ST3GAL1: variants seen among roughly 807,000 people sequenced by gnomAD.
ST3GAL1 encodes ST3 beta-galactoside alpha-2,3-sialyltransferase 1.
Under a neutral mutation model 34.1 loss-of-function variants are expected in ST3GAL1, and 16 were observed. The ratio of observed to expected loss-of-function variants is 0.47; its 90% CI spans 0.32 to 0.71. The LOEUF is 0.71. ST3GAL1 is among the 30% of genes least tolerant of loss of function. ST3GAL1 has a pLI of 0.04. For missense variants in ST3GAL1, 353 were observed against 447.4 expected (o/e 0.79, Z 1.90); for synonymous variants, 191 against 184.7 (o/e 1.03, Z -0.28).
chr8:133,496,070 G>A (rs1816936665), intron 3 of ST3GAL1, among the ~76,000 whole-genome samples: 1 of 152,188 alleles, frequency 6.6e-6, no homozygotes, highest in Admixed American at 6.5e-5. Context: ...GTCAACCACT[G>A]AGCTGCCTGC....
At position 133,533,176 on chromosome 8, in the gene ST3GAL1, C is replaced by A. The variant is rs578109358; in HGVS notation, c.-429+12598G>T. 2.6e-5 allele frequency among the ~76,000 whole-genome samples: 4 copies of A among 152,278 alleles called. No individual in the cohort carries two copies. In the East Asian group the frequency reaches 7.7e-4, roughly 29 times the overall value. ...CCGCAGTCCAATGGCACTCTGAATT[C>A]CGTGGAGACCCATAGAATTCCAAAC... On this transcript the variant is annotated intron_variant, in intron 2 of 9. Coordinates refer to ENST00000522652, the MANE Select transcript of ST3GAL1 (RefSeq NM_173344.3).
intron 1 of ST3GAL1, among the ~76,000 whole-genome samples, chr8:133,546,536 CAGG>C (rs1389152659): frequency 1.4e-5 from 2 of 147,644 alleles, no homozygotes; most frequent in African/African-American, 5.0e-5. Flanking sequence ...AGAATTTGAA[CAGG>C]AGATGATATT....
chr8:133,551,512 C>CAGAAAGAAAGAAAGAGAAAGAAAG (rs1818838686), intron 1 of ST3GAL1, among the ~76,000 whole-genome samples: 6 of 113,666 alleles, frequency 5.3e-5, no homozygotes, highest in African/African-American at 2.0e-4. Flanking sequence ...GACAGAAAGA[C>CAGAAAGAAAGAAAGAGAAAGAAAG]AGAAAGAAAG....
intron 2 of ST3GAL1, among the ~76,000 whole-genome samples, chr8:133,541,335 A>C (rs1225778025): frequency 6.6e-6 from 1 of 151,918 alleles, no homozygotes; most frequent in Non-Finnish European, 1.5e-5. Flanking sequence ...TAAGGCCTCC[A>C]CACTGAAGCA....
At chr8:133,540,934 C>CATACATAGACATATATATAGACAT (rs1818479653) in intron 2 of ST3GAL1, among the ~76,000 whole-genome samples, 1 of 51,384 alleles carries the variant, frequency 1.9e-5, no homozygotes, top group Non-Finnish European at 3.2e-5. Context: ...TATATATAGA[C>CATACATAGACATATATATAGACAT]ATATATAGAC....
intron 1 of ST3GAL1, among the ~76,000 whole-genome samples, chr8:133,557,315 G>A (rs140386807): frequency 1.6e-4 from 24 of 152,292 alleles, no homozygotes; most frequent in African/African-American, 5.8e-4. Flanking sequence ...GTGGCACAAT[G>A]GGGTCCTCAT....
At chr8:133,502,916 C>T (rs1036696603) in intron 2 of ST3GAL1, among the ~76,000 whole-genome samples, 8 of 152,228 alleles carry the variant, frequency 5.3e-5, no homozygotes, top group African/African-American at 1.7e-4. Context: ...TTGGGCTTGG[C>T]CATGTCACTT....
intron 3 of ST3GAL1, among the ~76,000 whole-genome samples, chr8:133,491,570 T>C (rs925405246): frequency 6.6e-6 from 1 of 152,156 alleles, no homozygotes; most frequent in Non-Finnish European, 1.5e-5. Context: ...TTCTCCCTAG[T>C]CCGTGACTTC....
intron 2 of ST3GAL1, among the ~76,000 whole-genome samples, chr8:133,523,491 A>T (rs759435814): frequency 7.9e-5 from 12 of 152,192 alleles, no homozygotes; most frequent in Non-Finnish European, 1.2e-4. Context: ...GAAGATGGTG[A>T]TGCTTAAAGT....
intron 3 of ST3GAL1, among the ~76,000 whole-genome samples, chr8:133,492,789 C>T (rs1816823797): frequency 6.6e-6 from 1 of 152,206 alleles, no homozygotes; most frequent in Non-Finnish European, 1.5e-5. Context: ...TGCTAAGAAT[C>T]TACCTTTCGG....
At position 133,498,594 on chromosome 8, in the gene ST3GAL1, A is replaced by ACT. The variant is rs538117921; in HGVS notation, c.-374+539_-374+540dup. Among the ~76,000 whole-genome samples the ACT allele has an allele frequency of 3.9e-5, 6 of 152,188 alleles. No individual in the cohort carries two copies. In the East Asian group the frequency reaches 1.2e-3, roughly 29 times the overall value. On this transcript the variant is annotated intron_variant, in intron 3 of 9. Transcript: ENST00000522652. ...AGGGAAGGTAGAACTCAGCCCACAG[A>ACT]CTTCCTTTGGCTTTTGCAAAAACAA...
chr8:133,550,904 TGTCTTCTTGAA>T (rs753717022), intron 1 of ST3GAL1, among the ~76,000 whole-genome samples: 3 of 152,220 alleles, frequency 2.0e-5, no homozygotes, highest in Non-Finnish European at 4.4e-5. Flanking sequence ...TCCAATTTTG[TGTCTTCTTGAA>T]GTATAGCAGC....
chr8:133,464,635 G>A (rs892245386), intron 7 of ST3GAL1, 143 bp downstream of exon 7: 26 of 835,290 alleles, frequency 3.1e-5, no homozygotes, highest in Admixed American at 2.7e-4. Flanking sequence ...AGGCGGCCAC[G>A]GGAACTGGGC....
intron 2 of ST3GAL1, among the ~76,000 whole-genome samples, chr8:133,545,499 C>A (rs1008697635): frequency 3.3e-5 from 5 of 152,164 alleles, no homozygotes; most frequent in African/African-American, 1.2e-4. Context: ...TTTTTACTTA[C>A]CAGTGTTCAT....
intron 1 of ST3GAL1, among the ~76,000 whole-genome samples, chr8:133,553,675 G>A (rs1443506054): frequency 1.3e-5 from 2 of 152,168 alleles, no homozygotes; most frequent in African/African-American, 2.4e-5. Flanking sequence ...AAGTGGTAGC[G>A]AGTATCTTTC....
intron 3 of ST3GAL1, among the ~76,000 whole-genome samples, chr8:133,483,032 A>G (rs919855839): frequency 2.6e-5 from 4 of 152,192 alleles, no homozygotes; most frequent in Non-Finnish European, 5.9e-5. Flanking sequence ...TCCTGAATCT[A>G]CAAAATAGGA....
At chr8:133,506,642 G>A (rs543376407) in intron 2 of ST3GAL1, among the ~76,000 whole-genome samples, 5 of 151,400 alleles carry the variant, frequency 3.3e-5, no homozygotes, top group East Asian at 4.0e-4. Context: ...AAAATTAGCC[G>A]GGCGTGGTGG....
intron 3 of ST3GAL1, among the ~76,000 whole-genome samples, chr8:133,484,272 G>A (rs1051795997): frequency 2.0e-5 from 3 of 152,150 alleles, no homozygotes; most frequent in African/African-American, 7.2e-5. Flanking sequence ...CCAGCAAGAT[G>A]GGGAAAATCA....
chr8:133,501,657 C>G (rs1161398925), intron 2 of ST3GAL1, among the ~76,000 whole-genome samples: 1 of 151,980 alleles, frequency 6.6e-6, no homozygotes, highest in Non-Finnish European at 1.5e-5. Flanking sequence ...GCTGAGGCAG[C>G]AGAATCGCTT....
Sources: gnomAD v4.1 joint callset for allele counts (sites outside exome capture counted in the v4.1 genomes callset) on GRCh38, gnomAD v4.1.1 for gene constraint, MANE v1.5 for transcripts, NCBI Gene and HGNC (gene_info 2026-07-23, HGNC 2026-07-21) for gene names.